Variants in RNLS observed in about 807,000 individuals in gnomAD.
RNLS encodes the protein renalase, FAD dependent amine oxidase.
A neutral mutation model predicts 39.8 loss-of-function variants in RNLS; 39 were observed. The observed-to-expected ratio is 0.98, with a 90% CI of 0.76 to 1.28. The LOEUF (loss-of-function observed/expected upper bound fraction) is 1.28. Among genes scored for constraint, RNLS ranks in the 50% most tolerant of loss-of-function variants. The probability of loss-of-function intolerance (pLI) is 0.00; values close to 1 mark genes in which losing one functional copy is unlikely to be tolerated. For missense variants in RNLS, 410 were observed against 413.3 expected, an observed-to-expected ratio of 0.99 and a Z score of 0.07; for synonymous variants, 147 against 150.7, an observed-to-expected ratio of 0.98 and a Z score of 0.18.
rs191985038 is a variant in RNLS at position 88,451,010 on chromosome 10, G to T, written c.527-88285C>A. Among the ~76,000 whole-genome samples the T allele has an allele frequency of 8.7e-4, 132 of 151,994 alleles. 1 individual carries two copies. The Middle Eastern group carries it at 0.02, about 23-fold the overall frequency. Reference sequence around the variant, plus strand: ...GTGACAGGAAAAAAGTTGTCCAAAGGCCTAAACCTGGGACTAGCAGGAGTC... The same window carrying T: ...GTGACAGGAAAAAAGTTGTCCAAAGTCCTAAACCTGGGACTAGCAGGAGTC... On this transcript the variant is annotated intron_variant, in intron 4 of 6. Transcript: ENST00000331772.
At chr10:88,420,329 A>C (rs569110912) in intron 4 of RNLS, among the ~76,000 whole-genome samples, 2 of 152,270 alleles carry the variant, frequency 1.3e-5, no homozygotes, top group South Asian at 4.1e-4. Context: ...ATGCTAACTG[A>C]TTTTTCAATA....
chr10:88,509,661 A>C (rs1845995298), intron 4 of RNLS, among the ~76,000 whole-genome samples: 1 of 152,062 alleles, frequency 6.6e-6, no homozygotes, highest in African/African-American at 2.4e-5. Flanking sequence ...GAGACAACTC[A>C]AAAATAAGTG....
At chr10:88,268,129 C>T in the RNLS span, among the ~76,000 whole-genome samples, 1 of 152,170 alleles carries the variant, frequency 6.6e-6, no homozygotes, top group Non-Finnish European at 1.5e-5. Flanking sequence ...GATCTCTTTT[C>T]AGACCTACCA....
chr10:88,307,635 C>G (rs777411554), intron 6 of RNLS, among the ~76,000 whole-genome samples: 1 of 152,120 alleles, frequency 6.6e-6, no homozygotes, highest in Non-Finnish European at 1.5e-5. Flanking sequence ...GGTGGAAGAT[C>G]TCTTCAAGGA....
At chr10:88,361,880 A>C (rs1849669752) in intron 5 of RNLS, among the ~76,000 whole-genome samples, 1 of 152,218 alleles carries the variant, frequency 6.6e-6, no homozygotes, top group Non-Finnish European at 1.5e-5. Context: ...GCAGTCCTAC[A>C]AATGAGAATA....
chr10:88,175,544 A>T, the RNLS span, among the ~76,000 whole-genome samples: 1 of 152,094 alleles, frequency 6.6e-6, no homozygotes, highest in Admixed American at 6.6e-5. Flanking sequence ...ATGTATTTGT[A>T]CTTTTTCCAA....
chr10:88,578,020 T>C (rs1850313091), intron 3 of RNLS, among the ~76,000 whole-genome samples: 1 of 152,162 alleles, frequency 6.6e-6, no homozygotes, highest in Admixed American at 6.6e-5. Context: ...TTCCAAAATA[T>C]AGAGTATTTT....
intron 4 of RNLS, among the ~76,000 whole-genome samples, chr10:88,408,821 T>G (rs1404064924): frequency 6.6e-6 from 1 of 152,120 alleles, no homozygotes; most frequent in Non-Finnish European, 1.5e-5. Context: ...AAAATCTTAG[T>G]GGAGACCTAT....
intron 4 of RNLS, among the ~76,000 whole-genome samples, chr10:88,553,552 T>C (rs1409857439): frequency 2.0e-5 from 3 of 152,188 alleles, no homozygotes; most frequent in Non-Finnish European, 2.9e-5. Flanking sequence ...TTTTATATAG[T>C]ACACAATTGT....
intron 4 of RNLS, among the ~76,000 whole-genome samples, chr10:88,560,463 G>T (rs1335682582): frequency 2.0e-5 from 3 of 152,104 alleles, no homozygotes; most frequent in East Asian, 3.9e-4. Context: ...GAGCCCCACA[G>T]CCCAGGCAAT....
At chr10:88,174,944 T>C in the RNLS span, among the ~76,000 whole-genome samples, 2 of 152,244 alleles carry the variant, frequency 1.3e-5, no homozygotes, top group African/African-American at 4.8e-5. Context: ...TTACTTGTTA[T>C]TGGACTGTTC....
At chr10:88,319,797 A>T (rs189901508) in intron 5 of RNLS, among the ~76,000 whole-genome samples, 3 of 152,262 alleles carry the variant, frequency 2.0e-5, no homozygotes, top group African/African-American at 7.2e-5. Flanking sequence ...TGTAAAGTGA[A>T]CAAACATACA....
chr10:88,266,772 TA>T, the RNLS span, among the ~76,000 whole-genome samples: 11 of 142,992 alleles, frequency 7.7e-5, no homozygotes, highest in East Asian at 2.0e-4. Flanking sequence ...AACTTCTACT[TA>T]AAAAAAAAAG....
At chr10:88,383,992 G>C (rs1851707536) in intron 4 of RNLS, among the ~76,000 whole-genome samples, 3 of 152,008 alleles carry the variant, frequency 2.0e-5, no homozygotes, top group Admixed American at 2.0e-4. Context: ...CTCATCAGTA[G>C]ACCTATATTA....
At chr10:88,515,447 C>G (rs1227480521) in intron 4 of RNLS, among the ~76,000 whole-genome samples, 3 of 152,002 alleles carry the variant, frequency 2.0e-5, no homozygotes, top group South Asian at 2.1e-4. Flanking sequence ...TCTCTCAATA[C>G]TTTTCTCCTG....
chr10:88,377,967 T>A (rs1034445089), intron 4 of RNLS, among the ~76,000 whole-genome samples: 2 of 151,898 alleles, frequency 1.3e-5, no homozygotes, highest in African/African-American at 4.8e-5. Flanking sequence ...TAAATTTGTA[T>A]TTTTAATTTT....
chr10:88,234,248 T>C, the RNLS span, among the ~76,000 whole-genome samples: 373 of 151,958 alleles, frequency 2.5e-3, 1 homozygote, highest in African/African-American at 8.7e-3. Flanking sequence ...CTCATCGCAA[T>C]GCTCCCTGCT....
the RNLS span, among the ~76,000 whole-genome samples, chr10:88,203,346 GTATATATATACGTATGTGTGTGTATA>G: frequency 1.2e-3 from 18 of 14,592 alleles, 3 homozygotes; most frequent in African/African-American, 7.9e-3. Context: ...ACACGTATGT[GTATATATATACGTATGTGTGTGTATA>G]TATATATATA....
At chr10:88,236,149 T>C in the RNLS span, among the ~76,000 whole-genome samples, 3 of 152,224 alleles carry the variant, frequency 2.0e-5, no homozygotes, top group Non-Finnish European at 4.4e-5. Context: ...TGGTATAACA[T>C]TGAAAATAGT....
Sources: allele counts gnomAD v4.1 joint callset (sites outside exome capture counted in the v4.1 genomes callset), GRCh38; gene constraint gnomAD v4.1.1; transcripts MANE v1.5; gene names NCBI Gene and HGNC (gene_info 2026-07-23, HGNC 2026-07-21).